Variants in DAB1 observed in about 807,000 individuals in gnomAD.
DAB1 encodes the protein disabled homolog 1.
DAB1 carries 15 observed loss-of-function variants against 64.6 expected under a neutral mutation model. The ratio of observed to expected loss-of-function variants is 0.23; its 90% confidence interval spans 0.16 to 0.36. The LOEUF (loss-of-function observed/expected upper bound fraction) is 0.36. Among genes scored for constraint, DAB1 ranks in the 10% least tolerant of loss-of-function variants. DAB1 has a pLI of 1.00. For synonymous variants in DAB1, 235 were observed against 251.9 expected, an observed-to-expected ratio of 0.93 and a Z score of 0.64; for missense variants, 596 against 706.7, an observed-to-expected ratio of 0.84 and a Z score of 1.78.
intron 7 of DAB1, among the ~76,000 whole-genome samples, chr1:57,642,340 C>T (rs905113312): frequency 1.3e-5 from 2 of 152,206 alleles, no homozygotes; most frequent in African/African-American, 2.4e-5. Context: ...AGCTGATTCC[C>T]TAGCCCTTAG....
intron 6 of DAB1, among the ~76,000 whole-genome samples, chr1:57,778,376 C>T (rs1354944024): frequency 6.6e-6 from 1 of 151,768 alleles, no homozygotes; most frequent in African/African-American, 2.4e-5. Context: ...GCTTGATATA[C>T]ACCTCCCTCT....
chr1:57,808,027 C>T (rs1340053737), intron 6 of DAB1, among the ~76,000 whole-genome samples: 1 of 152,126 alleles, frequency 6.6e-6, no homozygotes, highest in Non-Finnish European at 1.5e-5. Context: ...TCAAAAGTGG[C>T]TATTAGTAAA....
intron 5 of DAB1, among the ~76,000 whole-genome samples, chr1:57,947,293 G>A (rs2100222404): frequency 6.6e-6 from 1 of 152,218 alleles, no homozygotes; most frequent in Non-Finnish European, 1.5e-5. Context: ...AGACAGTCCA[G>A]TGCCCAAAAT....
intron 4 of DAB1, among the ~76,000 whole-genome samples, chr1:57,105,284 T>C (rs1655038278): frequency 6.6e-6 from 1 of 151,970 alleles, no homozygotes; most frequent in East Asian, 1.9e-4. Context: ...TGTGAATTAA[T>C]TGGACCCTGG....
chr1:57,800,823 T>C (rs773046329), intron 6 of DAB1, among the ~76,000 whole-genome samples: 1 of 152,162 alleles, frequency 6.6e-6, no homozygotes, highest in South Asian at 2.1e-4. Context: ...CTGAGATGAG[T>C]GCTACCCTTA....
chr1:57,843,886 G>C (rs1653160611), intron 1 of DAB1, among the ~76,000 whole-genome samples: 1 of 152,178 alleles, frequency 6.6e-6, no homozygotes, highest in South Asian at 2.1e-4. Context: ...GGAAACATTT[G>C]CTCAGGATGT....
intron 6 of DAB1, among the ~76,000 whole-genome samples, chr1:57,711,074 T>C (rs1647023012): frequency 6.6e-6 from 1 of 152,230 alleles, no homozygotes; most frequent in Non-Finnish European, 1.5e-5. Flanking sequence ...TTACATGTCT[T>C]GTGACCTCAG....
chr1:57,553,467 G>GAAA, intron 7 of DAB1, among the ~76,000 whole-genome samples: 1 of 12,938 alleles, frequency 7.7e-5, no homozygotes, highest in South Asian at 8.1e-3. Context: ...AAAGAGAAAG[G>GAAA]GAAAGAAAGG....
intron 6 of DAB1, among the ~76,000 whole-genome samples, chr1:57,675,420 T>G (rs1304552305): frequency 6.6e-6 from 1 of 152,184 alleles, no homozygotes; most frequent in Non-Finnish European, 1.5e-5. Context: ...CACTCCTTAA[T>G]AAGGGCTTCC....
chr1:57,116,887 A>G (rs1656186769), intron 4 of DAB1, among the ~76,000 whole-genome samples: 1 of 152,216 alleles, frequency 6.6e-6, no homozygotes, highest in East Asian at 1.9e-4. Flanking sequence ...AATTCTTTTT[A>G]TATCCTGGCA....
At chr1:58,067,132 T>G (rs1172600818) in intron 5 of DAB1, among the ~76,000 whole-genome samples, 1 of 152,208 alleles carries the variant, frequency 6.6e-6, no homozygotes, top group Non-Finnish European at 1.5e-5. Flanking sequence ...ACTTCCTTTT[T>G]CCTTTACAGC....
At chr1:58,071,366 GT>G (rs1281935577) in intron 5 of DAB1, among the ~76,000 whole-genome samples, 14 of 51,796 alleles carry the variant, frequency 2.7e-4, no homozygotes, top group Admixed American at 1.2e-3. Flanking sequence ...GGAGAATGGT[GT>G]GTGTGTGTGT....
chr1:57,810,205 A>G (rs1397336743), intron 6 of DAB1, among the ~76,000 whole-genome samples: 1 of 152,112 alleles, frequency 6.6e-6, no homozygotes. Flanking sequence ...CTAACACATC[A>G]TCACATCACT....
chr1:57,578,069 C>A (rs967897793), intron 7 of DAB1, among the ~76,000 whole-genome samples: 1 of 152,136 alleles, frequency 6.6e-6, no homozygotes, highest in African/African-American at 2.4e-5. Context: ...TGGAGAAAGC[C>A]CTTTGGGACT....
rs142708116 is a variant in DAB1, at chr1:57,443,772, A to T, written n.626-152606T>A. On this transcript the variant is annotated intron_variant and non_coding_transcript_variant, in intron 7 of 20. Transcript: ENST00000485760. ...TCCAACATATAACTCAAAGCAGTTC[A>T]CCTCCATCATCTCTTCTGCCATGAA... Among the ~76,000 whole-genome samples, 1,291 of 152,204 alleles carry T rather than the reference A, an allele frequency of 8.5e-3. 33 individuals carry two copies. The highest frequency in any genetic ancestry group is 0.054 in the Admixed American group (820 of 15,288).
At chr1:58,525,848 C>G (rs186071626) in intron 2 of DAB1, among the ~76,000 whole-genome samples, 153 of 152,068 alleles carry the variant, frequency 1.0e-3, no homozygotes, top group Non-Finnish European at 1.9e-3. Flanking sequence ...ATGGTACTGG[C>G]TGAAACATAA....
intron 3 of DAB1, among the ~76,000 whole-genome samples, chr1:58,433,590 AGAGAGAGTGT>A (rs1220527914): frequency 1.9e-4 from 21 of 108,624 alleles, no homozygotes; most frequent in African/African-American, 3.1e-4. Flanking sequence ...AGAGAGAGAG[AGAGAGAGTGT>A]GTGTGTGTGT....
At chr1:57,098,397 A>T (rs1229964354) in intron 4 of DAB1, among the ~76,000 whole-genome samples, 2 of 152,226 alleles carry the variant, frequency 1.3e-5, no homozygotes, top group East Asian at 1.9e-4. Flanking sequence ...CACACAACTC[A>T]TAAGGGTTCA....
intron 1 of DAB1, among the ~76,000 whole-genome samples, chr1:57,327,268 C>T (rs1405126324): frequency 1.3e-5 from 2 of 152,082 alleles, no homozygotes; most frequent in South Asian, 2.1e-4. Context: ...TTACGTGAAA[C>T]ACCACATGAG....
Sources: gnomAD v4.1 joint callset for allele counts (sites outside exome capture counted in the v4.1 genomes callset) on GRCh38, gnomAD v4.1.1 for gene constraint, MANE v1.5 for transcripts, NCBI Gene and HGNC (gene_info 2026-07-23, HGNC 2026-07-21) for gene names.